Variants in SIPA1L2 observed in about 807,000 individuals in gnomAD.
SIPA1L2 encodes the protein signal induced proliferation associated 1 like 2, also known as signal-induced proliferation-associated 1-like protein 2.
In SIPA1L2, 56 loss-of-function variants were observed where a neutral mutation model predicts 163.9. The observed-to-expected ratio is 0.34, with a 90% CI of 0.28 to 0.43. SIPA1L2 has a LOEUF of 0.43. SIPA1L2 is among the 20% of genes least tolerant of loss of function. SIPA1L2 has a pLI of 1.00. For missense variants in SIPA1L2, 1,974 were observed against 2,193.5 expected (o/e 0.90, Z 2.00); for synonymous variants, 877 against 865.7 (o/e 1.01, Z -0.23).
chr1:232,403,498 C>A lies in SIPA1L2; in HGVS notation c.4890G>T (p.Leu1630=), dbSNP rs1280262993. The part of the protein sequence containing the change: ...HGQDLEGAQE[L]PLCVDPGSGK... ...CACTGCCTGGATCTACACATAAGGG[C>A]AGCTCTTGGGCCCCTTCCAGGTCCT... Residue 1630 remains leucine, a synonymous_variant, in exon 21 of 23, where the codon CTG becomes CTT. Coordinates refer to ENST00000674635, the MANE Select transcript of SIPA1L2 (RefSeq NM_020808.5). 1.2e-6 allele frequency: 2 copies of A among 1,614,020 alleles called. No individual in the cohort carries two copies. The highest frequency in any genetic ancestry group is 2.7e-5 in the African/African-American group (2 of 74,912).
chr1:232,570,078 T>G lies in SIPA1L2; in HGVS notation c.-270+4096A>C, dbSNP rs897318700. 7.2e-4 allele frequency among the ~76,000 whole-genome samples: 109 copies of G among 152,208 alleles called. 2 individuals are homozygous for G. Among genetic ancestry groups the G allele is most frequent in the Non-Finnish European group, 1.8e-4 (12 of 68,030 alleles). ...AAACACCTAAGGAGTTAAAAATTCT[T>G]ACTAGAAGTCTGAAAGCTGAAACAC... On this transcript the variant is annotated intron_variant, in intron 2 of 22. Coordinates refer to ENST00000674635, the MANE Select transcript of SIPA1L2 (RefSeq NM_020808.5).
intron 1 of SIPA1L2, among the ~76,000 whole-genome samples, chr1:232,582,765 C>G (rs1157992691): frequency 6.6e-6 from 1 of 152,178 alleles, no homozygotes. Flanking sequence ...TGCATTCCCC[C>G]CAACAGTGTA....
chr1:232,520,757 G>C (rs768036156), intron 2 of SIPA1L2, among the ~76,000 whole-genome samples: 6 of 152,058 alleles, frequency 3.9e-5, no homozygotes, highest in Non-Finnish European at 8.8e-5. Flanking sequence ...GGGAATAAAA[G>C]GAAGAACAAA....
intron 2 of SIPA1L2, among the ~76,000 whole-genome samples, chr1:232,532,007 T>G (rs992144205): frequency 2.6e-5 from 4 of 152,164 alleles, no homozygotes; most frequent in Admixed American, 6.5e-5. Context: ...CAGGAAGGAT[T>G]TGACTTTCAT....
chr1:232,469,889 T>C (rs1664713717), intron 8 of SIPA1L2, among the ~76,000 whole-genome samples: 1 of 151,542 alleles, frequency 6.6e-6, no homozygotes, highest in Non-Finnish European at 1.5e-5. Flanking sequence ...CTAAAAGAAA[T>C]AAATTGAACA....
At chr1:232,543,245 T>C (rs1037569708) in intron 2 of SIPA1L2, among the ~76,000 whole-genome samples, 3 of 152,252 alleles carry the variant, frequency 2.0e-5, no homozygotes, top group African/African-American at 7.2e-5. Context: ...ATGTATCATA[T>C]ACAAACATTA....
intron 1 of SIPA1L2, among the ~76,000 whole-genome samples, chr1:232,591,195 G>A (rs1184302732): frequency 6.6e-6 from 1 of 152,222 alleles, no homozygotes; most frequent in Non-Finnish European, 1.5e-5. Context: ...GAAAGAGTTA[G>A]TTAAACAAAA....
At chr1:232,542,342 ATT>A (rs921436369) in intron 2 of SIPA1L2, among the ~76,000 whole-genome samples, 10 of 152,232 alleles carry the variant, frequency 6.6e-5, no homozygotes, top group Admixed American at 6.5e-4. Flanking sequence ...AGATGTGGGC[ATT>A]TCATCTATCA....
chr1:232,582,050 G>GA (rs1438633589), intron 1 of SIPA1L2, among the ~76,000 whole-genome samples: 1 of 152,226 alleles, frequency 6.6e-6, no homozygotes, highest in Non-Finnish European at 1.5e-5. Context: ...TTAATGGGCA[G>GA]AAGCCTTATG....
rs866176514 is a variant in SIPA1L2 at position 232,598,245 on chromosome 1, A to C, written c.-318-24023T>G. Among the ~76,000 whole-genome samples, 1,015 of 152,156 alleles carry C rather than the reference A, an allele frequency of 6.7e-3. 8 individuals are homozygous for C. Among genetic ancestry groups the C allele is most frequent in the African/African-American group, 0.023 (950 of 41,496 alleles). ...AGTGAAACCCTGTCTGTTAAAAAAA[A>C]AAAAAAAAAATCAGCCGGGTGTGCT... On this transcript the variant is annotated intron_variant, in intron 1 of 22. Transcript: ENST00000674635.
intron 3 of SIPA1L2, among the ~76,000 whole-genome samples, chr1:232,513,251 T>C (rs1467513926): frequency 6.6e-6 from 1 of 152,228 alleles, no homozygotes; most frequent in Non-Finnish European, 1.5e-5. Context: ...CCTGAAGATA[T>C]ACGTAAAGCA....
intron 10 of SIPA1L2, among the ~76,000 whole-genome samples, chr1:232,450,504 G>A (rs991810721): frequency 1.3e-5 from 2 of 152,154 alleles, no homozygotes; most frequent in African/African-American, 2.4e-5. Context: ...TGGATGTTCA[G>A]GTGAACACCA....
At chr1:232,573,305 G>A (rs1659902117) in intron 2 of SIPA1L2, among the ~76,000 whole-genome samples, 1 of 152,200 alleles carries the variant, frequency 6.6e-6, no homozygotes, top group Non-Finnish European at 1.5e-5. Context: ...GTGTGAGTAA[G>A]GAATCGATAT....
rs369266455 is a variant in SIPA1L2 at position 232,514,378 on chromosome 1, C to T, written c.962G>A (p.Arg321His). Reference sequence around the variant, plus strand: ...AAAACATCGCTGACAATTCCAAGGGCGAATGCCCCTCTCCAGTCGGCTCTC... The same window carrying T: ...AAAACATCGCTGACAATTCCAAGGGTGAATGCCCCTCTCCAGTCGGCTCTC... Reference protein sequence around the residue: ...LEESRLERGIRPWNCQRCFAH... With the variant: ...LEESRLERGIHPWNCQRCFAH... Residue 321 changes from arginine to histidine, a missense_variant, in exon 3 of 23, where the codon CGC becomes CAC. Transcript: ENST00000674635. The T allele has an allele frequency of 3.2e-5, 52 of 1,613,636 alleles. No homozygotes were observed. The African/African-American group carries it at 3.7e-4, about 12-fold the overall frequency.
intron 2 of SIPA1L2, among the ~76,000 whole-genome samples, chr1:232,548,359 A>T (rs1658168740): frequency 6.6e-6 from 1 of 151,988 alleles, no homozygotes; most frequent in Non-Finnish European, 1.5e-5. Flanking sequence ...ACTATAAACA[A>T]CCTCATTCGC....
intron 3 of SIPA1L2, among the ~76,000 whole-genome samples, chr1:232,512,822 T>C (rs1361697801): frequency 6.6e-6 from 1 of 151,812 alleles, no homozygotes; most frequent in African/African-American, 2.4e-5. Context: ...AATAAATAAA[T>C]AAAAGTACAG....
At chr1:232,578,235 G>C (rs771890469) in intron 1 of SIPA1L2, among the ~76,000 whole-genome samples, 3 of 151,454 alleles carry the variant, frequency 2.0e-5, no homozygotes, top group Non-Finnish European at 4.4e-5. Flanking sequence ...CCAGTATAGC[G>C]TAACTGTAAC....
chr1:232,465,359 A>G lies in SIPA1L2; in HGVS notation c.2301T>C (p.Gly767=), dbSNP rs1455388744. ...VPPFGPPIPK[G]VTFPKSAVFR... The stretch of plus-strand genomic sequence containing the variant: ...ACACGGCTGACTTTGGAAAAGTTAC[A>G]CCTTTGGGAATCGGTGGGCCAAATG... The change falls in exon 9 of 23, where the codon GGT becomes GGC. Residue 767 remains glycine (G), a synonymous_variant. Coordinates refer to ENST00000674635, the MANE Select transcript of SIPA1L2 (RefSeq NM_020808.5). This position sits in a 1 kb window ranked among gnomAD's most constrained non-coding sequence, Gnocchi z 4.1. 1 of 1,613,758 alleles carries G rather than the reference A, an allele frequency of 6.2e-7. No homozygotes were observed. Among genetic ancestry groups the G allele is most frequent in the Admixed American group, 1.7e-5 (1 of 59,996 alleles).
At chr1:232,581,285 A>G (rs1412520391) in intron 1 of SIPA1L2, among the ~76,000 whole-genome samples, 3 of 152,172 alleles carry the variant, frequency 2.0e-5, no homozygotes, top group Admixed American at 6.5e-5. Context: ...GGCCATGGCA[A>G]GGTCATATAC....
Sources: allele counts gnomAD v4.1 joint callset (sites outside exome capture counted in the v4.1 genomes callset), GRCh38; gene constraint gnomAD v4.1.1; non-coding constraint Gnocchi (gnomAD v3.1); transcripts MANE v1.5; gene names NCBI Gene and HGNC (gene_info 2026-07-23, HGNC 2026-07-21).